The following SPAG16 variants were observed in gnomAD, a reference collection of about 807,000 sequenced individuals.
SPAG16 encodes sperm-associated antigen 16 protein.
Under a neutral mutation model 80.4 loss-of-function variants are expected in SPAG16, and 86 were observed. The observed-to-expected ratio is 1.07, with a 90% CI of 0.90 to 1.28. The LOEUF is 1.28. Among genes scored for constraint, SPAG16 ranks in the 50% most tolerant of loss-of-function variants. SPAG16 has a pLI of 0.00. For synonymous variants in SPAG16, 294 were observed against 265.9 expected, an observed-to-expected ratio of 1.11 and a Z score of -1.03; for missense variants, 870 against 765.3, an observed-to-expected ratio of 1.14 and a Z score of -1.61.
chr2:213,958,969 G>T (rs2044282945), intron 12 of SPAG16, among the ~76,000 whole-genome samples: 1 of 152,110 alleles, frequency 6.6e-6, no homozygotes, highest in Non-Finnish European at 1.5e-5. Context: ...CTTAATGTTT[G>T]TATATCTGGG....
intron 10 of SPAG16, among the ~76,000 whole-genome samples, chr2:213,609,745 ACTTT>A (rs1191296499): frequency 6.6e-6 from 1 of 151,488 alleles, no homozygotes. Context: ...GATTGATCTT[ACTTT>A]CTTTCAGAAT....
intron 15 of SPAG16, chr2:214,240,984 A>G (rs1689424409): frequency 6.6e-6 from 1 of 152,102 alleles, no homozygotes; most frequent in Non-Finnish European, 1.5e-5. Flanking sequence ...ATTTTATGAA[A>G]TATGAGTAAC....
intron 15 of SPAG16, among the ~76,000 whole-genome samples, chr2:214,312,358 C>T (rs1037733095): frequency 6.6e-6 from 1 of 152,186 alleles, no homozygotes; most frequent in Non-Finnish European, 1.5e-5. Context: ...ACTTTAGTTT[C>T]ATGCAGAGTA....
chr2:214,085,205 G>A (rs2051642253), intron 13 of SPAG16, among the ~76,000 whole-genome samples: 1 of 151,912 alleles, frequency 6.6e-6, no homozygotes, highest in Non-Finnish European at 1.5e-5. Context: ...GAACAAGAGT[G>A]AGTCAAAAGA....
At chr2:213,626,568 T>C (rs2061966420) in intron 10 of SPAG16, among the ~76,000 whole-genome samples, 2 of 151,988 alleles carry the variant, frequency 1.3e-5, no homozygotes, top group Admixed American at 6.6e-5. Flanking sequence ...CTAGAATCAC[T>C]GCTGTGTGAA....
chr2:213,908,509 C>T (rs2077519819), intron 11 of SPAG16, among the ~76,000 whole-genome samples: 2 of 152,196 alleles, frequency 1.3e-5, no homozygotes, highest in South Asian at 4.1e-4. Flanking sequence ...TGTGATCTCA[C>T]TGAACTTCTT....
chr2:213,634,227 C>G (rs1306606937), intron 10 of SPAG16, among the ~76,000 whole-genome samples: 1 of 152,094 alleles, frequency 6.6e-6, no homozygotes. Flanking sequence ...CAAATACTAT[C>G]TTATAACCCA....
chr2:213,839,476 C>T (rs938767587), intron 10 of SPAG16, among the ~76,000 whole-genome samples: 2 of 152,094 alleles, frequency 1.3e-5, no homozygotes, highest in African/African-American at 4.8e-5. Context: ...ATAGACTTTC[C>T]TTATCACAAG....
chr2:213,884,298 G>C (rs1228947505), intron 11 of SPAG16, among the ~76,000 whole-genome samples: 2 of 152,086 alleles, frequency 1.3e-5, no homozygotes, highest in African/African-American at 4.8e-5. Flanking sequence ...ATTCTTGGTT[G>C]GAATGTCTTT....
chr2:213,312,405 C>G (rs1414070966), intron 4 of SPAG16, among the ~76,000 whole-genome samples: 1 of 151,538 alleles, frequency 6.6e-6, no homozygotes, highest in African/African-American at 2.4e-5. Context: ...TTCCAGTACC[C>G]TTACCTGAGC....
At chr2:214,045,308 C>T (rs991898402) in intron 13 of SPAG16, among the ~76,000 whole-genome samples, 1 of 152,286 alleles carries the variant, frequency 6.6e-6, no homozygotes, top group Non-Finnish European at 1.5e-5. Flanking sequence ...GAACCTGTTG[C>T]CCTGAAGGGA....
intron 10 of SPAG16, among the ~76,000 whole-genome samples, chr2:213,625,611 C>T (rs186845902): frequency 9.9e-5 from 15 of 152,190 alleles, no homozygotes; most frequent in Admixed American, 9.8e-4. Flanking sequence ...TCCTACCTTT[C>T]CCAAGACTTT....
At chr2:213,802,828 C>T (rs936460644) in intron 10 of SPAG16, among the ~76,000 whole-genome samples, 2 of 151,738 alleles carry the variant, frequency 1.3e-5, no homozygotes, top group Non-Finnish European at 2.9e-5. Flanking sequence ...GTCTTCCTTT[C>T]ACCACTTGTT....
At position 213,949,179 on chromosome 2, in the gene SPAG16, T is replaced by TTTTTTTTTTGTTTTTTTTTTTTTG. The variant is rs1553677667; in HGVS notation, c.1400+19043_1400+19044insGTTTTTTTTTTTTTGTTTTTTTTT. Among the ~76,000 whole-genome samples the TTTTTTTTTTGTTTTTTTTTTTTTG allele has an allele frequency of 8.3e-5, 3 of 36,264 alleles. No homozygotes were observed. The East Asian group carries it at 3.1e-3, about 38-fold the overall frequency. 23.8% of individuals were successfully genotyped at this position (36,264 alleles called of 152,430 possible). On this transcript the variant is annotated intron_variant, in intron 12 of 15. Transcript: ENST00000331683. ...TACTTAATTACAACAGTTTTTTTTT[T>TTTTTTTTTTGTTTTTTTTTTTTTG]TTTTTTTTTTTTTTGAGGTAGAGTC... is the stretch of plus-strand genomic sequence containing the variant.
chr2:214,063,309 C>A (rs928159176), intron 13 of SPAG16, among the ~76,000 whole-genome samples: 3 of 152,034 alleles, frequency 2.0e-5, no homozygotes, highest in African/African-American at 4.8e-5. Flanking sequence ...TGCTGAAATG[C>A]CATAATACCA....
At position 213,928,134 on chromosome 2, in the gene SPAG16, G is replaced by C. The variant is rs1187590937; in HGVS notation, c.1215-1826G>C. Reference sequence around the variant, plus strand: ...AGATGGAGTCGCAGTCCCCCAGGCTGGAGTGCAGTGGCATGATCTCGGCTC... The same window carrying C: ...AGATGGAGTCGCAGTCCCCCAGGCTCGAGTGCAGTGGCATGATCTCGGCTC... On this transcript the variant is annotated intron_variant, in intron 11 of 15. Transcript: ENST00000331683. Among the ~76,000 whole-genome samples, 3 of 152,084 alleles carry C rather than the reference G, an allele frequency of 2.0e-5. No individual in the cohort carries two copies. In the East Asian group the frequency reaches 5.8e-4, roughly 29 times the overall value.
chr2:213,871,409 A>T (rs1281169513), intron 11 of SPAG16, among the ~76,000 whole-genome samples: 1 of 152,062 alleles, frequency 6.6e-6, no homozygotes, highest in Non-Finnish European at 1.5e-5. Context: ...TACTAAGAAG[A>T]GTGAACTCTT....
chr2:214,293,081 G>A (rs139424471), intron 15 of SPAG16, among the ~76,000 whole-genome samples: 2 of 152,328 alleles, frequency 1.3e-5, no homozygotes, highest in East Asian at 3.9e-4. Context: ...GAGCCGTAGA[G>A]CAATGTATGC....
At chr2:213,832,182 G>C (rs761800350) in intron 10 of SPAG16, among the ~76,000 whole-genome samples, 1 of 151,734 alleles carries the variant, frequency 6.6e-6, no homozygotes, top group Non-Finnish European at 1.5e-5. Flanking sequence ...ATTTTTAGTA[G>C]AGATGGGGTT....
Sources: allele counts gnomAD v4.1 joint callset (sites outside exome capture counted in the v4.1 genomes callset), GRCh38; gene constraint gnomAD v4.1.1; transcripts MANE v1.5; gene names NCBI Gene and HGNC (gene_info 2026-07-23, HGNC 2026-07-21).